The following PRKG1 variants were observed in gnomAD, a reference collection of about 807,000 sequenced individuals.
PRKG1 encodes the protein protein kinase cGMP-dependent 1, also known as cGMP-dependent protein kinase 1.
PRKG1 carries 35 observed loss-of-function variants against 88.1 expected under a neutral mutation model. The ratio of observed to expected loss-of-function variants is 0.40; its 90% CI spans 0.30 to 0.53. The LOEUF is 0.53. Ranked by LOEUF, PRKG1 falls within the 20% of genes least tolerant of loss-of-function variation. The pLI, the probability that PRKG1 is intolerant of heterozygous loss-of-function variation, is 0.59. For missense variants in PRKG1, 540 were observed against 839.8 expected, an observed-to-expected ratio of 0.64 and a Z score of 4.41; for synonymous variants, 303 against 292.5, an observed-to-expected ratio of 1.04 and a Z score of -0.37.
At chr10:51,214,104 ATAT>A (rs991601438) in intron 2 of PRKG1, among the ~76,000 whole-genome samples, 1 of 152,184 alleles carries the variant, frequency 6.6e-6, no homozygotes, top group Admixed American at 6.6e-5. Context: ...GTTATTTCTA[ATAT>A]TAGAAGAATG....
chr10:51,748,975 A>G (rs373217501), intron 3 of PRKG1, among the ~76,000 whole-genome samples: 1 of 152,234 alleles, frequency 6.6e-6, no homozygotes, highest in East Asian at 1.9e-4. Flanking sequence ...TGAAGTTAAA[A>G]TACTCTTCTA....
At chr10:51,397,739 A>C (rs1355359319) in intron 2 of PRKG1, among the ~76,000 whole-genome samples, 1 of 152,170 alleles carries the variant, frequency 6.6e-6, no homozygotes, top group East Asian at 1.9e-4. Flanking sequence ...GTTCCTTTTT[A>C]TAATAAACCT....
chr10:51,400,782 C>T (rs1005285464), intron 2 of PRKG1, among the ~76,000 whole-genome samples: 5 of 152,134 alleles, frequency 3.3e-5, no homozygotes, highest in Admixed American at 6.5e-5. Flanking sequence ...TTTTCAACAG[C>T]GTGTATTAGG....
chr10:51,621,427 A>G (rs1448761487), intron 3 of PRKG1, among the ~76,000 whole-genome samples: 2 of 152,146 alleles, frequency 1.3e-5, no homozygotes, highest in Non-Finnish European at 2.9e-5. Flanking sequence ...ATTGCATTAA[A>G]TAAAATGTAA....
intron 3 of PRKG1, among the ~76,000 whole-genome samples, chr10:51,793,931 T>C (rs577646489): frequency 1.3e-4 from 20 of 152,170 alleles, no homozygotes; most frequent in South Asian, 1.0e-3. Context: ...CCAGCTAGTT[T>C]TTTTGTATTT....
chr10:51,919,533 A>AT (rs5784891), intron 5 of PRKG1, among the ~76,000 whole-genome samples: 51,257 of 149,088 alleles, frequency 0.34, 9,875 homozygotes, highest in East Asian at 0.57. Context: ...CATTCTGCAG[A>AT]TTTTTTTTTT....
At position 52,266,218 on chromosome 10, in the gene PRKG1, CTTTT is replaced by C. The variant is rs575653935; in HGVS notation, c.1174-5127_1174-5124del. 1.5e-4 allele frequency among the ~76,000 whole-genome samples: 22 copies of C among 148,068 alleles called. No individual in the cohort carries two copies. The East Asian group carries it at 3.2e-3, about 22-fold the overall frequency. Reference sequence around the variant, plus strand: ...TTATTATTATTATTATTATTGTAAACTTTTTTTTAAGTTCTGGAGTACATGTGCA... The same window carrying C: ...TTATTATTATTATTATTATTGTAAACTTTTAAGTTCTGGAGTACATGTGCA... On this transcript the variant is annotated intron_variant, in intron 10 of 17. Coordinates refer to ENST00000373980, the MANE Select transcript of PRKG1 (RefSeq NM_006258.4).
chr10:52,187,676 T>G (rs537279349), intron 9 of PRKG1, among the ~76,000 whole-genome samples: 15 of 152,318 alleles, frequency 9.8e-5, no homozygotes, highest in South Asian at 6.2e-4. Flanking sequence ...TAACAATAGA[T>G]TCTGCCAGCA....
At chr10:52,023,622 A>G (rs901637822) in intron 5 of PRKG1, among the ~76,000 whole-genome samples, 2 of 152,138 alleles carry the variant, frequency 1.3e-5, no homozygotes, top group Non-Finnish European at 2.9e-5. Flanking sequence ...CTGGTATGAG[A>G]TGGTATCTCA....
intron 3 of PRKG1, among the ~76,000 whole-genome samples, chr10:51,735,247 A>C (rs187131103): frequency 4.5e-4 from 69 of 152,300 alleles, no homozygotes; most frequent in African/African-American, 1.6e-3. Context: ...AATGTGGAGA[A>C]GTGAAAATTC....
At chr10:51,704,269 A>ATAGATAGG (rs1175410700) in intron 3 of PRKG1, among the ~76,000 whole-genome samples, 16 of 152,150 alleles carry the variant, frequency 1.1e-4, no homozygotes, top group African/African-American at 3.4e-4. Context: ...AGATAGATAG[A>ATAGATAGG]TAGATATTTT....
At chr10:52,080,831 C>T (rs915275380) in intron 7 of PRKG1, among the ~76,000 whole-genome samples, 1 of 152,000 alleles carries the variant, frequency 6.6e-6, no homozygotes, top group Non-Finnish European at 1.5e-5. Flanking sequence ...ATAATAGATG[C>T]TGTGGTATGC....
At chr10:52,166,789 A>ATATATATATATATATATG (rs1321857689) in intron 9 of PRKG1, among the ~76,000 whole-genome samples, 2,158 of 12,742 alleles carry the variant, frequency 0.17, 67 homozygotes, top group East Asian at 0.53. Flanking sequence ...AAAAAAGCCT[A>ATATATATATATATATATG]TATATATACA....
chr10:51,910,628 A>G (rs1842195491), intron 5 of PRKG1: 1 of 152,152 alleles, frequency 6.6e-6, no homozygotes, highest in African/African-American at 2.4e-5. Context: ...ACACTAGAAC[A>G]TTTGATTATG....
intron 4 of PRKG1, among the ~76,000 whole-genome samples, chr10:51,889,216 C>A (rs1209237540): frequency 2.5e-5 from 3 of 120,166 alleles, no homozygotes; most frequent in South Asian, 7.2e-4. Flanking sequence ...CCCCTCCCCC[C>A]ACCCCACAAC....
At chr10:51,809,758 T>G (rs1046616340) in intron 4 of PRKG1, among the ~76,000 whole-genome samples, 1 of 152,180 alleles carries the variant, frequency 6.6e-6, no homozygotes, top group Admixed American at 6.6e-5. Flanking sequence ...AAGACAGATA[T>G]GCTCACGTCA....
At chr10:51,469,304 T>G (rs1374335414) in intron 3 of PRKG1, among the ~76,000 whole-genome samples, 1 of 151,880 alleles carries the variant, frequency 6.6e-6, no homozygotes, top group Non-Finnish European at 1.5e-5. Context: ...TATTTTTTTG[T>G]TTTGAAGTAT....
chr10:52,272,558 TAAAG>T, intron 12 of PRKG1, 77 bp downstream of exon 12: 1 of 946,452 alleles, frequency 1.1e-6, no homozygotes, highest in Non-Finnish European at 1.6e-6. Flanking sequence ...GTTAATATGA[TAAAG>T]TATAATAATC....
chr10:52,001,236 C>T (rs2454542), intron 5 of PRKG1, among the ~76,000 whole-genome samples: 54,208 of 151,550 alleles, frequency 0.36, 10,184 homozygotes, highest in Admixed American at 0.42. Context: ...TTTACCCATT[C>T]ATCTGTTGAT....
Sources: allele counts gnomAD v4.1 joint callset (sites outside exome capture counted in the v4.1 genomes callset), GRCh38; gene constraint gnomAD v4.1.1; transcripts MANE v1.5; gene names NCBI Gene and HGNC (gene_info 2026-07-23, HGNC 2026-07-21).